Variants in NPEPL1 observed in about 807,000 individuals in gnomAD.
The protein encoded by NPEPL1 is probable aminopeptidase NPEPL1.
A neutral mutation model predicts 52.4 loss-of-function variants in NPEPL1; 45 were observed. The observed-to-expected ratio is 0.86, with a 90% CI of 0.68 to 1.10. NPEPL1 has a LOEUF of 1.10. NPEPL1 is among the 50% of genes least tolerant of loss of function. The pLI, the probability that NPEPL1 is intolerant of heterozygous loss-of-function variation, is 0.00. For synonymous variants in NPEPL1, 360 were observed against 314.7 expected (o/e 1.14, Z -1.52); for missense variants, 696 against 710.9 (o/e 0.98, Z 0.24).
chr20:58,712,765 C>T (rs1275528797), intron 8 of NPEPL1, 186 bp downstream of exon 8: 2 of 684,186 alleles, frequency 2.9e-6, no homozygotes, highest in African/African-American at 1.8e-5. Flanking sequence ...CGTTGAGGGG[C>T]CCATGGCACC....
At chr20:58,712,419 C>G in intron 7 of NPEPL1, 60 bp from the exon 8 acceptor site, 2 of 1,130,362 alleles carry the variant, frequency 1.8e-6, no homozygotes, top group Non-Finnish European at 2.7e-6. Context: ...CCCAGCTCGT[C>G]CTCCCCCCTC....
intron 6 of NPEPL1, chr20:58,703,526 G>A: frequency 2.0e-6 from 2 of 985,272 alleles, no homozygotes; most frequent in Non-Finnish European, 2.4e-6. Context: ...GGCTGGTAGA[G>A]TCGTGGACCC....
Position 58,715,521 on chromosome 20 carries a change from G to A in NPEPL1, c.*195G>A, listed in dbSNP as rs951445738. 7.1e-6 allele frequency: 4 copies of A among 560,714 alleles called. No individual in the cohort carries two copies. Among genetic ancestry groups the A allele is most frequent in the Non-Finnish European group, 9.1e-6 (3 of 329,716 alleles). 34.7% of individuals were successfully genotyped at this position (560,714 alleles called of 1,614,324 possible). A position where few individuals can be genotyped will look rare whatever the true frequency, so the allele number is the denominator to read the frequency against. On this transcript the variant is annotated 3_prime_UTR_variant, in exon 12 of 12. Transcript: ENST00000356091. The stretch of plus-strand genomic sequence containing the variant: ...GGCCACGGGGAGGGGACCGGGAAGC[G>A]CTGGGGCTTGTTTCTGTTTGTTACT...
At chr20:58,699,771 G>A (rs2084575685) in intron 5 of NPEPL1, among the ~76,000 whole-genome samples, 1 of 152,208 alleles carries the variant, frequency 6.6e-6, no homozygotes, top group Non-Finnish European at 1.5e-5. Context: ...CCACTGCCCA[G>A]GAACCAGAGG....
intron 6 of NPEPL1, among the ~76,000 whole-genome samples, chr20:58,702,227 G>C (rs1207744760): frequency 6.6e-6 from 1 of 152,246 alleles, no homozygotes; most frequent in Non-Finnish European, 1.5e-5. Context: ...TGTGCACTCA[G>C]AAGGTCTGCC....
At chr20:58,712,420 C>A in intron 7 of NPEPL1, 59 bp from the exon 8 acceptor site, 1 of 1,164,806 alleles carries the variant, frequency 8.6e-7, no homozygotes, top group Non-Finnish European at 1.3e-6. Flanking sequence ...CCAGCTCGTC[C>A]TCCCCCCTCC....
intron 7 of NPEPL1, among the ~76,000 whole-genome samples, chr20:58,707,519 A>G (rs2084760894): frequency 6.6e-6 from 1 of 152,222 alleles, no homozygotes; most frequent in Non-Finnish European, 1.5e-5. Context: ...GGCAGGCAGA[A>G]GCTCATGGCA....
chr20:58,708,787 C>T (rs894919783), intron 7 of NPEPL1, among the ~76,000 whole-genome samples: 7 of 152,142 alleles, frequency 4.6e-5, no homozygotes, highest in East Asian at 1.9e-4. Context: ...AATGCTGAGG[C>T]GGACGGGCCC....
At chr20:58,692,002 T>C, upstream of NPEPL1, 1 of 625,300 alleles carries the variant, frequency 1.6e-6, no homozygotes, top group Non-Finnish European at 2.9e-6. The surrounding 1 kb of genome is among the most constrained non-coding windows in gnomAD (Gnocchi z 5.7). Flanking sequence ...CCCGATGGCC[T>C]TTCCTCCCCT....
rs369946186 is a variant in NPEPL1, at chr20:58,701,122, C to T, written c.786C>T (p.Ile262=). ...TQTIAWVGKG[I]VYDTGGLSIK... ...CCATCGCCTGGGTGGGCAAAGGCAT[C>T]GTCTATGACACTGGAGGCCTCAGCA... The change falls in exon 6 of 12, where the codon ATC becomes ATT. Residue 262 remains isoleucine (I), a synonymous_variant. Transcript: ENST00000356091. The T allele has an allele frequency of 4.7e-5, 75 of 1,585,338 alleles. 1 individual carries two copies. In the African/African-American group the frequency reaches 7.7e-4, roughly 16 times the overall value.
intron 6 of NPEPL1, 87 bp from the exon 7 acceptor site, chr20:58,707,035 GT>G (rs2123129290): frequency 7.5e-7 from 1 of 1,341,190 alleles, no homozygotes; most frequent in Non-Finnish European, 1.0e-6. Context: ...TGGGGCTAGC[GT>G]GGGGCCGGGT....
chr20:58,701,865 G>A (rs974029245), intron 6 of NPEPL1, among the ~76,000 whole-genome samples: 1 of 152,158 alleles, frequency 6.6e-6, no homozygotes, highest in African/African-American at 2.4e-5. Flanking sequence ...CCCGTGGTAC[G>A]GCTTTCTGTC....
At position 58,713,728 on chromosome 20, in the gene NPEPL1, G is replaced by T; in HGVS notation, c.1125+185G>T. 1 of 1,073,594 alleles carries T rather than the reference G, an allele frequency of 9.3e-7. No homozygotes were observed. Among genetic ancestry groups the T allele is most frequent in the Non-Finnish European group, 1.3e-6 (1 of 782,942 alleles). The allele number at this position is 1,073,594 out of a possible 1,614,324, so 66.5% of individuals were successfully genotyped here. ...GGCAGTACCGAGGCCCAGGCTGGATGCAGAGCCGGGAACCGCCTCCTGTGT... is the reference window on the plus strand; with the variant it reads ...GGCAGTACCGAGGCCCAGGCTGGATTCAGAGCCGGGAACCGCCTCCTGTGT... On this transcript the variant is annotated intron_variant, in intron 9 of 11. Transcript: ENST00000356091. The surrounding 1 kb of genome is among the most constrained non-coding windows in gnomAD (Gnocchi z 4.6).
Position 58,692,864 on chromosome 20 carries a change from C to CGGGCCGGGCA in NPEPL1, c.-28_-19dup, listed in dbSNP as rs1160283746. On this transcript the variant is annotated 5_prime_UTR_variant, in exon 1 of 12. Coordinates refer to ENST00000356091, the MANE Select transcript of NPEPL1 (RefSeq NM_024663.4). The surrounding 1 kb of genome is among the most constrained non-coding windows in gnomAD (Gnocchi z 5.7). ...AAGGGGGCCGAGCGGCGGGCCGGGC[C>CGGGCCGGGCA]GGGCCGGGCAGGGCCGGGGCGTGGG... is the stretch of plus-strand genomic sequence containing the variant. 33 of 999,900 alleles carry CGGGCCGGGCA rather than the reference C, an allele frequency of 3.3e-5. No individual in the cohort carries two copies. Among genetic ancestry groups the CGGGCCGGGCA allele is most frequent in the South Asian group, 8.7e-5 (2 of 23,002 alleles). The allele number at this position is 999,900 out of a possible 1,614,324, so 61.9% of individuals were successfully genotyped here. A position where few individuals can be genotyped will look rare whatever the true frequency, so the allele number is the denominator to read the frequency against.
At chr20:58,693,660 G>T in intron 1 of NPEPL1, 77 bp from the exon 2 acceptor site, 1 of 1,354,518 alleles carries the variant, frequency 7.4e-7, no homozygotes. Context: ...GGTTGTGGCC[G>T]TGGCTGCAGG....
chr20:58,689,751 C>T (rs2084316307), upstream of NPEPL1, among the ~76,000 whole-genome samples: 1 of 152,154 alleles, frequency 6.6e-6, no homozygotes, highest in South Asian at 2.1e-4. Context: ...GACTGGATCT[C>T]TGGATTTTAC....
In NPEPL1 at chr20:58,693,751, C is replaced by A; in HGVS notation, c.165C>A (p.Ala55=). The part of the protein sequence containing the change: ...PRVTEELWQA[A]LSTLNPNPTD... ...TTCTGATCTAGCTCTGGCAGGCTGC[C>A]CTGAGCACGCTCAACCCCAACCCCA... The change falls in exon 2 of 12, where the codon GCC becomes GCA. Residue 55 remains alanine (A), a synonymous_variant. Transcript: ENST00000356091. 6 of 1,607,728 alleles carry A rather than the reference C, an allele frequency of 3.7e-6. No individual in the cohort carries two copies. The highest frequency in any genetic ancestry group is 5.1e-6 in the Non-Finnish European group (6 of 1,175,162).
intron 6 of NPEPL1, among the ~76,000 whole-genome samples, chr20:58,701,668 C>T (rs965229333): frequency 5.3e-5 from 8 of 152,112 alleles, no homozygotes; most frequent in South Asian, 2.1e-4. Context: ...GGCTTTGTCC[C>T]GAGAAGAGAA....
At chr20:58,693,150 C>CGGGCCGGGCCCAACG in intron 1 of NPEPL1, 100 bp downstream of exon 1, 1 of 848,170 alleles carries the variant, frequency 1.2e-6, no homozygotes, top group Non-Finnish European at 1.4e-6. Flanking sequence ...CCGCCGCCGC[C>CGGGCCGGGCCCAACG]GGGCCGGGCC....
Sources: gnomAD v4.1 joint callset for allele counts (sites outside exome capture counted in the v4.1 genomes callset) on GRCh38, gnomAD v4.1.1 for gene constraint, Gnocchi (gnomAD v3.1) non-coding constraint, MANE v1.5 for transcripts, NCBI Gene and HGNC (gene_info 2026-07-23, HGNC 2026-07-21) for gene names.